The following STK32B variants were observed in gnomAD, a reference collection of about 807,000 sequenced individuals.
The protein encoded by STK32B is serine/threonine-protein kinase 32B.
Under a neutral mutation model 52.6 loss-of-function variants are expected in STK32B, and 43 were observed. The observed-to-expected ratio is 0.82, with a 90% CI of 0.64 to 1.05. The LOEUF (loss-of-function observed/expected upper bound fraction) is 1.05, where lower values mean the gene tolerates loss of function less well. Among genes scored for constraint, STK32B ranks in the 50% least tolerant of loss-of-function variants. The pLI, the probability that STK32B is intolerant of heterozygous loss-of-function variation, is 0.00. For synonymous variants in STK32B, 238 were observed against 204.3 expected, an observed-to-expected ratio of 1.17 and a Z score of -1.41; for missense variants, 621 against 534.6, an observed-to-expected ratio of 1.16 and a Z score of -1.59.
intron 3 of STK32B, among the ~76,000 whole-genome samples, chr4:5,278,653 T>C (rs1727996881): frequency 6.6e-6 from 1 of 152,174 alleles, no homozygotes; most frequent in South Asian, 2.1e-4. Flanking sequence ...TTACCAATAT[T>C]GTTACAGAGA....
chr4:5,281,698 T>C (rs567621495), intron 3 of STK32B, among the ~76,000 whole-genome samples: 78 of 152,328 alleles, frequency 5.1e-4, no homozygotes, highest in African/African-American at 1.7e-3. Flanking sequence ...TTGAGAGATA[T>C]GCACCATTGT....
chr4:5,230,677 A>G (rs921169088), intron 3 of STK32B, among the ~76,000 whole-genome samples: 2 of 152,178 alleles, frequency 1.3e-5, no homozygotes, highest in Non-Finnish European at 2.9e-5. Flanking sequence ...TGATATTACC[A>G]CACTTTGGGC....
In STK32B at chr4:5,278,130, G is replaced by C. The variant is rs999113980; in HGVS notation, c.261-53090G>C. Among the ~76,000 whole-genome samples, 6 of 152,288 alleles carry C rather than the reference G, an allele frequency of 3.9e-5. No homozygotes were observed. In the South Asian group the frequency reaches 1.0e-3, roughly 26 times the overall value. ...GTGGCAGGTAGAAGATGACGTGGGAGGTTTTGACTTCTGGCAAGGTGATGG... is the reference window on the plus strand; with the variant it reads ...GTGGCAGGTAGAAGATGACGTGGGACGTTTTGACTTCTGGCAAGGTGATGG... On this transcript the variant is annotated intron_variant, in intron 3 of 11. Transcript: ENST00000282908.
At chr4:5,264,069 C>T (rs930542376) in intron 3 of STK32B, among the ~76,000 whole-genome samples, 3 of 152,190 alleles carry the variant, frequency 2.0e-5, no homozygotes, top group African/African-American at 7.2e-5. Context: ...TCGATAGATA[C>T]ACATGTGGGT....
At chr4:5,341,101 T>A (rs1733045015) in intron 4 of STK32B, among the ~76,000 whole-genome samples, 1 of 152,170 alleles carries the variant, frequency 6.6e-6, no homozygotes, top group African/African-American at 2.4e-5. Flanking sequence ...TACAGAATGC[T>A]CATAGAGTGA....
intron 6 of STK32B, among the ~76,000 whole-genome samples, chr4:5,433,815 T>C (rs1713799308): frequency 6.6e-6 from 1 of 152,238 alleles, no homozygotes; most frequent in African/African-American, 2.4e-5. Flanking sequence ...GGTGATTGTA[T>C]GCTTTCCATA....
chr4:5,466,676 C>T, intron 9 of STK32B, 27 bp from the exon 10 acceptor site: 1 of 1,597,702 alleles, frequency 6.3e-7, no homozygotes. Flanking sequence ...GCAGACAGAC[C>T]ATGTTTTCTT....
At chr4:5,477,436 AG>A (rs1718328413) in intron 11 of STK32B, among the ~76,000 whole-genome samples, 1 of 152,210 alleles carries the variant, frequency 6.6e-6, no homozygotes. Context: ...CACAGTCTAG[AG>A]GTCCTGATGG....
At chr4:5,441,252 G>A (rs1158105444) in intron 6 of STK32B, among the ~76,000 whole-genome samples, 1 of 151,714 alleles carries the variant, frequency 6.6e-6, no homozygotes, top group Non-Finnish European at 1.5e-5. Context: ...TTTTTGGTTG[G>A]TAAGCTATTG....
chr4:5,139,695 G>A, intron 1 of STK32B: 1 of 575,540 alleles, frequency 1.7e-6, no homozygotes, highest in Non-Finnish European at 3.1e-6. Context: ...TGAAGGGAAG[G>A]CTTCAGATGG....
intron 3 of STK32B, among the ~76,000 whole-genome samples, chr4:5,239,701 C>G (rs1724876932): frequency 6.6e-6 from 1 of 152,010 alleles, no homozygotes. Context: ...GGCAAGTTTA[C>G]AAGATGGTGT....
At chr4:5,342,584 T>C (rs10018605) in intron 4 of STK32B, among the ~76,000 whole-genome samples, 50,582 of 152,044 alleles carry the variant, frequency 0.33, 11,205 homozygotes, top group African/African-American at 0.63. Flanking sequence ...AAGGAGATGG[T>C]GCTAAACCAT....
chr4:5,297,248 G>A (rs1239405038), intron 3 of STK32B, among the ~76,000 whole-genome samples: 1 of 152,058 alleles, frequency 6.6e-6, no homozygotes, highest in African/African-American at 2.4e-5. Context: ...TCTGACGATT[G>A]TATGTCTTTG....
intron 3 of STK32B, among the ~76,000 whole-genome samples, chr4:5,224,445 T>C (rs1723737023): frequency 1.3e-5 from 2 of 152,214 alleles, no homozygotes; most frequent in African/African-American, 4.8e-5. Flanking sequence ...AGTATAAATT[T>C]GTAAATCCTC....
chr4:5,112,741 A>G (rs1188484790), intron 1 of STK32B, among the ~76,000 whole-genome samples: 2 of 152,212 alleles, frequency 1.3e-5, no homozygotes, highest in African/African-American at 4.8e-5. Context: ...TTCTCTGTGG[A>G]GGAAAAATCT....
chr4:5,274,388 G>C (rs1188522047), intron 3 of STK32B, among the ~76,000 whole-genome samples: 1 of 152,100 alleles, frequency 6.6e-6, no homozygotes, highest in African/African-American at 2.4e-5. Flanking sequence ...TTAATGGTGG[G>C]GGGTAGGGTG....
intron 1 of STK32B, among the ~76,000 whole-genome samples, chr4:5,129,782 A>T (rs1715638370): frequency 6.6e-6 from 1 of 152,156 alleles, no homozygotes; most frequent in Admixed American, 6.5e-5. Flanking sequence ...AGATATCCTT[A>T]ACTCCCTAGG....
intron 4 of STK32B, among the ~76,000 whole-genome samples, chr4:5,348,605 A>G (rs1216347279): frequency 1.3e-5 from 2 of 152,102 alleles, no homozygotes; most frequent in Non-Finnish European, 2.9e-5. Flanking sequence ...AGCAAAGTGC[A>G]CACCCCCAAG....
At chr4:5,147,889 A>G (rs1717036852) in intron 2 of STK32B, among the ~76,000 whole-genome samples, 1 of 151,856 alleles carries the variant, frequency 6.6e-6, no homozygotes. Context: ...ATCTTCATCA[A>G]ATTTGTTTTC....
Sources: allele counts gnomAD v4.1 joint callset (sites outside exome capture counted in the v4.1 genomes callset), GRCh38; gene constraint gnomAD v4.1.1; transcripts MANE v1.5; gene names NCBI Gene and HGNC (gene_info 2026-07-23, HGNC 2026-07-21).